The following LRGUK variants were observed in gnomAD, a reference collection of about 807,000 sequenced individuals.
LRGUK encodes leucine rich repeats and guanylate kinase domain containing, also known as leucine-rich repeat and guanylate kinase domain-containing protein.
In LRGUK, 65 loss-of-function variants were observed where a neutral mutation model predicts 76.0. The observed-to-expected ratio is 0.85, with a 90% CI of 0.70 to 1.05. The LOEUF (loss-of-function observed/expected upper bound fraction) is 1.05. Ranked by LOEUF, LRGUK falls within the 50% of genes least tolerant of loss-of-function variation. The probability of loss-of-function intolerance (pLI) is 0.00; values close to 1 mark genes in which losing one functional copy is unlikely to be tolerated. For synonymous variants in LRGUK, 268 were observed against 265.6 expected, an observed-to-expected ratio of 1.01 and a Z score of -0.09; for missense variants, 758 against 732.8, an observed-to-expected ratio of 1.03 and a Z score of -0.40.
In LRGUK at chr7:134,243,866, G is replaced by T. The variant is rs189006026; in HGVS notation, c.1984-3690G>T. On this transcript the variant is annotated intron_variant, in intron 16 of 19. Coordinates refer to the LRGUK transcript ENST00000285928. ...TACCAAAACAGAGATATAGACCAATGGAACAGGATAGAGCCCTTGGAATTA... is the reference window on the plus strand; with the variant it reads ...TACCAAAACAGAGATATAGACCAATTGAACAGGATAGAGCCCTTGGAATTA... 2.8e-3 allele frequency among the ~76,000 whole-genome samples: 432 copies of T among 152,212 alleles called. 2 individuals are homozygous for T. The highest frequency in any genetic ancestry group is 1.0e-2 in the African/African-American group (415 of 41,516).
chr7:134,243,488 T>C (rs1802215884), intron 16 of LRGUK, among the ~76,000 whole-genome samples: 1 of 152,066 alleles, frequency 6.6e-6, no homozygotes, highest in Non-Finnish European at 1.5e-5. Flanking sequence ...GGAATCCAAC[T>C]TACAAGGGAT....
intron 16 of LRGUK, among the ~76,000 whole-genome samples, chr7:134,243,140 G>A (rs903191826): frequency 6.6e-6 from 1 of 152,106 alleles, no homozygotes; most frequent in Admixed American, 6.5e-5. Flanking sequence ...TTGAGAACTG[G>A]AATAAGACAG....
At chr7:134,243,146 GAC>G (rs999066906) in intron 16 of LRGUK, among the ~76,000 whole-genome samples, 40 of 152,294 alleles carry the variant, frequency 2.6e-4, no homozygotes, top group African/African-American at 9.6e-4. Flanking sequence ...ACTGGAATAA[GAC>G]AGGGATGCCC....
intron 18 of LRGUK, among the ~76,000 whole-genome samples, chr7:134,251,632 T>G (rs539986841): frequency 5.9e-5 from 9 of 152,362 alleles, no homozygotes; most frequent in Non-Finnish European, 1.2e-4. Flanking sequence ...GCTATGTATG[T>G]ATTTAATTTA....
chr7:134,140,116 G>A (rs539416949), intron 3 of LRGUK, among the ~76,000 whole-genome samples: 1 of 151,898 alleles, frequency 6.6e-6, no homozygotes, highest in African/African-American at 2.4e-5. Context: ...CTACAGGCAC[G>A]CACCACCACG....
intron 18 of LRGUK, among the ~76,000 whole-genome samples, chr7:134,250,663 C>A (rs899617052): frequency 6.6e-6 from 1 of 152,148 alleles, no homozygotes; most frequent in Non-Finnish European, 1.5e-5. Context: ...TCTCAGTCTG[C>A]ATGTTTCACT....
chr7:134,177,482 A>G (rs1799531249), intron 9 of LRGUK, among the ~76,000 whole-genome samples: 1 of 152,230 alleles, frequency 6.6e-6, no homozygotes, highest in Non-Finnish European at 1.5e-5. Context: ...AAGGTACTCA[A>G]ATAAATCACT....
At chr7:134,260,615 T>C (rs1399991861) in intron 19 of LRGUK, among the ~76,000 whole-genome samples, 1 of 152,202 alleles carries the variant, frequency 6.6e-6, no homozygotes, top group African/African-American at 2.4e-5. Flanking sequence ...TGTGCTTTTT[T>C]CCCAGTTCCC....
chr7:134,226,217 A>AGTGTGT (rs1563191700), intron 16 of LRGUK, among the ~76,000 whole-genome samples: 6 of 92,180 alleles, frequency 6.5e-5, no homozygotes, highest in African/African-American at 3.6e-4. Flanking sequence ...TCCCATCTCC[A>AGTGTGT]ATGTGTGTGT....
chr7:134,271,462 A>G, the LRGUK span, among the ~76,000 whole-genome samples: 3 of 151,846 alleles, frequency 2.0e-5, no homozygotes, highest in Non-Finnish European at 4.4e-5. Context: ...TTTACTTGGA[A>G]TGAACTTCTG....
intron 16 of LRGUK, among the ~76,000 whole-genome samples, chr7:134,236,019 A>G (rs73441377): frequency 0.026 from 3,961 of 152,300 alleles, 168 homozygotes; most frequent in African/African-American, 0.086. Flanking sequence ...GCACAGTGAC[A>G]TTTTAATTTT....
At chr7:134,209,627 G>A (rs1801159667) in exon 16 of LRGUK, 3 of 398,978 alleles carry the variant, frequency 7.5e-6, no homozygotes, top group Non-Finnish European at 4.4e-6. Flanking sequence ...CAGCAGGGAA[G>A]AGGCTTTAGG....
intron 16 of LRGUK, among the ~76,000 whole-genome samples, chr7:134,238,033 A>AACATTTTTTACAAATGTTC (rs1802054425): frequency 6.6e-6 from 1 of 152,162 alleles, no homozygotes; most frequent in Non-Finnish European, 1.5e-5. Flanking sequence ...AATAGTTAAA[A>AACATTTTTTACAAATGTTC]ACATTTTTTA....
At chr7:134,138,806 G>A (rs941894718) in intron 2 of LRGUK, among the ~76,000 whole-genome samples, 5 of 152,076 alleles carry the variant, frequency 3.3e-5, no homozygotes, top group African/African-American at 1.2e-4. Context: ...AAGAATTTTG[G>A]ACAAGGATTC....
chr7:134,211,068 G>A (rs1801246009), downstream of LRGUK, among the ~76,000 whole-genome samples: 1 of 152,240 alleles, frequency 6.6e-6, no homozygotes, highest in African/African-American at 2.4e-5. Flanking sequence ...CTCCACACTG[G>A]CTTCCTCCTG....
At chr7:134,128,387 C>T (rs1256264776) in intron 1 of LRGUK, among the ~76,000 whole-genome samples, 2 of 152,198 alleles carry the variant, frequency 1.3e-5, no homozygotes, top group African/African-American at 4.8e-5. Flanking sequence ...CTCTTCTGAC[C>T]ACCACACAAT....
intron 18 of LRGUK, among the ~76,000 whole-genome samples, chr7:134,252,695 TG>T (rs1159645963): frequency 5.9e-5 from 9 of 152,190 alleles, no homozygotes. Flanking sequence ...CCAGGAGAGC[TG>T]GGTTTGGATT....
At chr7:134,162,261 T>C (rs941466924) in intron 6 of LRGUK, among the ~76,000 whole-genome samples, 16 of 152,102 alleles carry the variant, frequency 1.1e-4, no homozygotes, top group East Asian at 3.9e-4. Flanking sequence ...GGCATCTTAG[T>C]TGGGGGCTTG....
chr7:134,184,674 A>G (rs1252714565), intron 11 of LRGUK, among the ~76,000 whole-genome samples: 1 of 152,184 alleles, frequency 6.6e-6, no homozygotes, highest in Non-Finnish European at 1.5e-5. Context: ...GCAAACCAGC[A>G]TGGCTCATTC....
Sources: allele counts gnomAD v4.1 joint callset (sites outside exome capture counted in the v4.1 genomes callset), GRCh38; gene constraint gnomAD v4.1.1; transcripts MANE v1.5; gene names NCBI Gene and HGNC (gene_info 2026-07-23, HGNC 2026-07-21).